Variants in IPO9 observed in about 807,000 individuals in gnomAD.
IPO9 encodes the protein importin 9.
A neutral mutation model predicts 128.6 loss-of-function variants in IPO9; 28 were observed. The observed-to-expected ratio is 0.22, with a 90% CI of 0.16 to 0.30. The LOEUF (loss-of-function observed/expected upper bound fraction) is 0.30, where lower values mean the gene tolerates loss of function less well. IPO9 is among the 10% of genes least tolerant of loss of function. The pLI, the probability that IPO9 is intolerant of heterozygous loss-of-function variation, is 1.00. For missense variants in IPO9, 935 were observed against 1,293.9 expected (o/e 0.72, Z 4.26); for synonymous variants, 455 against 475.8 (o/e 0.96, Z 0.57).
chr1:201,873,039 A>G, intron 20 of IPO9, 78 bp downstream of exon 20: 1 of 1,429,440 alleles, frequency 7.0e-7, no homozygotes, highest in Admixed American at 2.4e-5. Flanking sequence ...GAAGGAATGC[A>G]CTGTGGTGTA....
At chr1:201,854,754 G>C (rs765216599) in intron 7 of IPO9, 40 bp downstream of exon 7, 1 of 1,610,012 alleles carries the variant, frequency 6.2e-7, no homozygotes, top group Non-Finnish European at 8.5e-7. Flanking sequence ...GAGTTTGAGG[G>C]GCTGGTCTGA....
At chr1:201,873,049 A>G (rs908403126) in intron 20 of IPO9, 88 bp downstream of exon 20, 4 of 1,369,708 alleles carry the variant, frequency 2.9e-6, no homozygotes, top group Non-Finnish European at 3.9e-6. Context: ...ACTGTGGTGT[A>G]TATTTTTAAA....
At chr1:201,852,539 A>G (rs2102877153) in intron 5 of IPO9, among the ~76,000 whole-genome samples, 1 of 152,224 alleles carries the variant, frequency 6.6e-6, no homozygotes, top group Non-Finnish European at 1.5e-5. Context: ...GAAGCAATCT[A>G]TCACTGCATT....
rs1188737631 is a variant in IPO9, at chr1:201,875,028, G to A, written c.2938+92G>A. On this transcript the variant is annotated intron_variant, in intron 22 of 23. Coordinates refer to ENST00000361565, the MANE Select transcript of IPO9 (RefSeq NM_018085.5). ...GGGTACCCAAGAAAGGGGAGAGGTG[G>A]GCCCACAGGGACATTTCTTGGGCTT... is the stretch of plus-strand genomic sequence containing the variant. The A allele has an allele frequency of 2.3e-6, 3 of 1,331,546 alleles. No homozygotes were observed. In the African/African-American group the frequency reaches 4.3e-5, roughly 19 times the overall value. 82.5% of individuals were successfully genotyped at this position (1,331,546 alleles called of 1,614,324 possible). A position where few individuals can be genotyped will look rare whatever the true frequency, so the allele number is the denominator to read the frequency against.
intron 1 of IPO9, among the ~76,000 whole-genome samples, chr1:201,836,498 A>C (rs1402407787): frequency 6.6e-6 from 1 of 152,118 alleles, no homozygotes; most frequent in Non-Finnish European, 1.5e-5. Flanking sequence ...TGATCCTTCC[A>C]TGTTAGCCTC....
intron 1 of IPO9, among the ~76,000 whole-genome samples, chr1:201,840,064 T>A (rs1245377909): frequency 2.6e-5 from 4 of 152,192 alleles, no homozygotes; most frequent in Non-Finnish European, 5.9e-5. Flanking sequence ...ATTAACCATT[T>A]ATCACCTGTC....
Position 201,855,710 on chromosome 1 carries a change from A to G in IPO9, c.971-73A>G, listed in dbSNP as rs2102879141. The G allele has an allele frequency of 2.3e-6, 3 of 1,283,502 alleles. No homozygotes were observed. In the East Asian group the frequency reaches 7.1e-5, roughly 30 times the overall value. The allele number at this position is 1,283,502 out of a possible 1,614,324, so 79.5% of individuals were successfully genotyped here. A position where few individuals can be genotyped will look rare whatever the true frequency, so the allele number is the denominator to read the frequency against. ...ATTCAGTAATTTACAAAGGTTATGT[A>G]GTTCATTTTCTGCATATATGCTTTC... On this transcript the variant is annotated intron_variant, in intron 9 of 23. Coordinates refer to ENST00000361565, the MANE Select transcript of IPO9 (RefSeq NM_018085.5).
Position 201,863,489 on chromosome 1 carries a change from C to T in IPO9, c.1510C>T (p.Arg504Trp). 1.9e-6 allele frequency: 3 copies of T among 1,591,792 alleles called. No homozygotes were observed. The highest frequency in any genetic ancestry group is 2.6e-6 in the Non-Finnish European group (3 of 1,162,452). ...GGGCCGGGCACTTTGGGCTGCCAGT[C>T]GGTTCACTGTTGCTATGTCCCCTGA... is the stretch of plus-strand genomic sequence containing the variant. ...LLGRALWAAS[R>W]FTVAMSPELI... Residue 504 changes from arginine to tryptophan, a missense_variant, in exon 14 of 24, where the codon CGG becomes TGG. Coordinates refer to ENST00000361565, the MANE Select transcript of IPO9 (RefSeq NM_018085.5).
intron 1 of IPO9, among the ~76,000 whole-genome samples, chr1:201,834,202 C>G (rs1464701240): frequency 8.3e-6 from 1 of 120,878 alleles, no homozygotes; most frequent in African/African-American, 2.8e-5. Context: ...AAAAACTTTT[C>G]TTTTCTTTTT....
chr1:201,868,772 C>T lies in IPO9; in HGVS notation c.1980C>T (p.Asp660=). 2 of 1,613,092 alleles carry T rather than the reference C, an allele frequency of 1.2e-6. No homozygotes were observed. Among genetic ancestry groups the T allele is most frequent in the South Asian group, 2.2e-5 (2 of 90,892 alleles). Reference sequence around the variant, plus strand: ...TCAGCATAATGCAGGCCCCAGCAGACAAGATTCCTGCAGGGCTTTGTGCGG... The same window carrying T: ...TCAGCATAATGCAGGCCCCAGCAGATAAGATTCCTGCAGGGCTTTGTGCGG... The part of the protein sequence containing the change: ...TLVSIMQAPA[D]KIPAGLCATA... Residue 660 remains aspartate, a synonymous_variant, in exon 16 of 24, where the codon GAC becomes GAT. Coordinates refer to ENST00000361565, the MANE Select transcript of IPO9 (RefSeq NM_018085.5).
chr1:201,847,447 G>T (rs1244470093), intron 2 of IPO9, 105 bp from the exon 3 acceptor site: 2 of 1,356,768 alleles, frequency 1.5e-6, no homozygotes, highest in Non-Finnish European at 1.0e-6. Flanking sequence ...CTAGGATGTT[G>T]TGCCAGATTT....
intron 15 of IPO9, 150 bp from the exon 16 acceptor site, chr1:201,868,498 T>G (rs751427405): frequency 1.3e-5 from 9 of 680,164 alleles, no homozygotes; most frequent in South Asian, 4.8e-5. Flanking sequence ...TTCAGGTTAT[T>G]CATGTGGCCC....
chr1:201,847,721 A>G lies in IPO9; in HGVS notation c.312+83A>G, dbSNP rs768302695. 171 of 983,538 alleles carry G rather than the reference A, an allele frequency of 1.7e-4. 1 individual carries two copies. Among genetic ancestry groups the G allele is most frequent in the Non-Finnish European group, 9.1e-5 (56 of 618,094 alleles). 60.9% of individuals were successfully genotyped at this position (983,538 alleles called of 1,614,324 possible). A position where few individuals can be genotyped will look rare whatever the true frequency, so the allele number is the denominator to read the frequency against. The stretch of plus-strand genomic sequence containing the variant: ...TTAGACTATAACATTCTTTGACAGC[A>G]TGGAGCAATCAAAAGACTAGGCAGA... On this transcript the variant is annotated intron_variant, in intron 3 of 23. Coordinates refer to ENST00000361565, the MANE Select transcript of IPO9 (RefSeq NM_018085.5).
intron 20 of IPO9, 33 bp downstream of exon 20, chr1:201,872,994 C>T (rs776136729): frequency 1.3e-5 from 20 of 1,593,850 alleles, no homozygotes; most frequent in Admixed American, 5.2e-5. Flanking sequence ...CAATCCTCTC[C>T]CTATACGAAG....
chr1:201,857,455 A>T (rs181671324), intron 11 of IPO9, among the ~76,000 whole-genome samples: 138 of 152,316 alleles, frequency 9.1e-4, no homozygotes, highest in African/African-American at 3.1e-3. Context: ...GGAGAATTGT[A>T]TAGAGGATAA....
At chr1:201,862,666 C>T (rs1029058196) in intron 13 of IPO9, among the ~76,000 whole-genome samples, 14 of 151,646 alleles carry the variant, frequency 9.2e-5, no homozygotes, top group African/African-American at 2.7e-4. Context: ...ATTAGCTGGG[C>T]GTGGTGGTGC....
chr1:201,857,326 AAG>A, intron 11 of IPO9, 132 bp downstream of exon 11: 1 of 636,078 alleles, frequency 1.6e-6, no homozygotes, highest in South Asian at 1.9e-5. Context: ...TTGGGGATGC[AAG>A]AGAGTTTCTG....
rs199973247 is a variant in IPO9, at chr1:201,857,208, G to T, written c.1221+14G>T. 4 of 1,500,188 alleles carry T rather than the reference G, an allele frequency of 2.7e-6. No individual in the cohort carries two copies. The East Asian group carries it at 9.0e-5, about 34-fold the overall frequency. 92.9% of individuals were successfully genotyped at this position (1,500,188 alleles called of 1,614,324 possible). A position where few individuals can be genotyped will look rare whatever the true frequency, so the allele number is the denominator to read the frequency against. ...GACTTGTTGCTGGTAAGTTTACCTT[G>T]ATACTTCAGCCACATAATTTCTATC... On this transcript the variant is annotated intron_variant, in intron 11 of 23. Coordinates refer to ENST00000361565, the MANE Select transcript of IPO9 (RefSeq NM_018085.5).
At position 201,870,496 on chromosome 1, in the gene IPO9, T is replaced by C; in HGVS notation, c.2134-87T>C. On this transcript the variant is annotated intron_variant, in intron 17 of 23. Transcript: ENST00000361565. The surrounding 1 kb of genome is among the most constrained non-coding windows in gnomAD (Gnocchi z 4.9). ...TCACCGCTTTTATGAGGCATAGGCC[T>C]CTGGGAACATTTGTTTATACAGACT... The C allele has an allele frequency of 6.8e-7, 1 of 1,461,844 alleles. No individual in the cohort carries two copies. The highest frequency in any genetic ancestry group is 9.2e-7 in the Non-Finnish European group (1 of 1,084,712). The allele number at this position is 1,461,844 out of a possible 1,614,324, so 90.6% of individuals were successfully genotyped here.
Sources: allele counts gnomAD v4.1 joint callset (sites outside exome capture counted in the v4.1 genomes callset), GRCh38; gene constraint gnomAD v4.1.1; non-coding constraint Gnocchi (gnomAD v3.1); transcripts MANE v1.5; gene names NCBI Gene and HGNC (gene_info 2026-07-23, HGNC 2026-07-21).